The following IQCN variants were observed in gnomAD, a reference collection of about 807,000 sequenced individuals.
The protein encoded by IQCN is IQ domain-containing protein N.
IQCN carries 46 observed loss-of-function variants against 64.4 expected under a neutral mutation model. The ratio of observed to expected loss-of-function variants is 0.71; its 90% CI spans 0.56 to 0.91. The LOEUF (loss-of-function observed/expected upper bound fraction) is 0.91. IQCN is among the 40% of genes least tolerant of loss of function. The probability of loss-of-function intolerance (pLI) is 0.00; values close to 1 mark genes in which losing one functional copy is unlikely to be tolerated. For missense variants in IQCN, 1,753 were observed against 1,857.4 expected, an observed-to-expected ratio of 0.94 and a Z score of 1.03; for synonymous variants, 733 against 775.6, an observed-to-expected ratio of 0.95 and a Z score of 0.91.
At position 18,265,117 on chromosome 19, in the gene IQCN, G is replaced by T. The variant is rs1969526836; in HGVS notation, c.2423C>A (p.Pro808His). The T allele has an allele frequency of 6.2e-7, 1 of 1,604,688 alleles. No homozygotes were observed. Among genetic ancestry groups the T allele is most frequent in the East Asian group, 2.2e-5 (1 of 44,880 alleles). ...GGTCTTCCCCGGCACGTGTCCGTGG[G>T]GCTGTGGCTGGGTCTGTCTGTCCTC... Reference protein sequence around the residue: ...KPEDRQTQPQPHGHVPGKTTQ... With the variant: ...KPEDRQTQPQHHGHVPGKTTQ... Residue 808 changes from proline (P) to histidine (H), a missense_variant, in exon 3 of 4, where the codon CCC becomes CAC. Transcript: ENST00000392413. This position sits in a 1 kb window ranked among gnomAD's most constrained non-coding sequence, Gnocchi z 4.7.
At chr19:18,260,803 T>TA in intron 3 of IQCN, 1 of 152,698 alleles carries the variant, frequency 6.5e-6, no homozygotes, top group Non-Finnish European at 1.5e-5. Flanking sequence ...GACACACCAA[T>TA]GGCTTGAGAT....
chr19:18,266,638 C>T lies in IQCN; in HGVS notation c.902G>A (p.Arg301Lys). 1 of 1,614,070 alleles carries T rather than the reference C, an allele frequency of 6.2e-7. No individual in the cohort carries two copies. The highest frequency in any genetic ancestry group is 8.5e-7 in the Non-Finnish European group (1 of 1,180,002). Residue 301 changes from arginine (R) to lysine (K), a missense_variant, in exon 3 of 4, where the codon AGG becomes AAG. Transcript: ENST00000392413. This position sits in a 1 kb window ranked among gnomAD's most constrained non-coding sequence, Gnocchi z 4.3. ...ARAPETPLSR[R>K]YDQAVTRPSR... ...TGGTCTCGTAACTGCCTGGTCATAC[C>T]TTCTGGACAATGGTGTCTCCGGAGC...
chr19:18,268,177 T>TGC lies in IQCN; in HGVS notation c.14-652_14-651insGC, dbSNP rs1196321955. ...TTTGGAAATTTCCTGTTTGCCTCTGTGTGTGTGTGTGTGTGTGTGTGTGTG... is the reference window on the plus strand; with the variant it reads ...TTTGGAAATTTCCTGTTTGCCTCTGTGCGTGTGTGTGTGTGTGTGTGTGTGTG... On this transcript the variant is annotated intron_variant, in intron 2 of 3. Transcript: ENST00000392413. 6.8e-3 allele frequency among the ~76,000 whole-genome samples: 453 copies of TGC among 66,630 alleles called. 2 individuals carry two copies. Among genetic ancestry groups the TGC allele is most frequent in the African/African-American group, 0.021 (419 of 19,748 alleles). The allele number at this position is 66,630 out of a possible 152,430, so 43.7% of individuals were successfully genotyped here. A position where few individuals can be genotyped will look rare whatever the true frequency, so the allele number is the denominator to read the frequency against.
At chr19:18,270,051 T>TA (rs60981546) in intron 1 of IQCN, among the ~76,000 whole-genome samples, 4,116 of 75,768 alleles carry the variant, frequency 0.054, 215 homozygotes, top group African/African-American at 0.067. Flanking sequence ...AACTGTCTCT[T>TA]AAAAAAAAAA....
At chr19:18,262,037 G>A (rs917242540) in intron 3 of IQCN, 2 of 153,034 alleles carry the variant, frequency 1.3e-5, no homozygotes, top group African/African-American at 4.8e-5. Flanking sequence ...GGTAGCCTGA[G>A]CTTGGGGATA....
At chr19:18,262,339 G>A (rs904621536) in intron 3 of IQCN, 1 of 153,082 alleles carries the variant, frequency 6.5e-6, no homozygotes, top group Non-Finnish European at 1.5e-5. Context: ...GGCTGAAATG[G>A]CTGAGCCAGC....
chr19:18,269,583 C>T lies in IQCN; in HGVS notation c.-105G>A, dbSNP rs1969690587. On this transcript the variant is annotated 5_prime_UTR_variant, in exon 2 of 4. Coordinates refer to ENST00000392413, the MANE Select transcript of IQCN (RefSeq NM_001145304.2). ...CCATGCAATATGCAGCAACACTGCC[C>T]TGGGCTGGCTCAAGACCAACACAAA... is the stretch of plus-strand genomic sequence containing the variant. 2 of 1,082,856 alleles carry T rather than the reference C, an allele frequency of 1.8e-6. No homozygotes were observed. The highest frequency in any genetic ancestry group is 2.8e-6 in the Non-Finnish European group (2 of 726,330). 67.1% of individuals were successfully genotyped at this position (1,082,856 alleles called of 1,614,324 possible).
Position 18,265,036 on chromosome 19 carries a change from G to A in IQCN, c.2504C>T (p.Pro835Leu), listed in dbSNP as rs2277921. 304,630 of 1,601,428 alleles carry A rather than the reference G, an allele frequency of 0.19. 32,359 individuals carry two copies. Among genetic ancestry groups the A allele is most frequent in the African/African-American group, 0.43 (32,240 of 74,968 alleles). Reference sequence around the variant, plus strand: ...TGTGGAATGGCCGGTGGGTGCCATCGGCGGCACCAGCATACCCTGGACCTC... The same window carrying A: ...TGTGGAATGGCCGGTGGGTGCCATCAGCGGCACCAGCATACCCTGGACCTC... ...ACEVQGMLVP[P>L]MAPTGHSTCN... The change falls in exon 3 of 4, where the codon CCG becomes CTG. Residue 835 changes from proline (P) to leucine (L), a missense_variant. Transcript: ENST00000392413. The surrounding 1 kb of genome is among the most constrained non-coding windows in gnomAD (Gnocchi z 4.7).
Position 18,264,299 on chromosome 19 carries a change from C to T in IQCN, c.3177+64G>A. 1 of 1,373,126 alleles carries T rather than the reference C, an allele frequency of 7.3e-7. No individual in the cohort carries two copies. Among genetic ancestry groups the T allele is most frequent in the South Asian group, 1.5e-5 (1 of 66,194 alleles). The allele number at this position is 1,373,126 out of a possible 1,614,324, so 85.1% of individuals were successfully genotyped here. A position where few individuals can be genotyped will look rare whatever the true frequency, so the allele number is the denominator to read the frequency against. Reference sequence around the variant, plus strand: ...TGGCCCCATCAATCCCCCATCTCCTCCAAGGGCCCGGCAGGTTGGCCCATG... The same window carrying T: ...TGGCCCCATCAATCCCCCATCTCCTTCAAGGGCCCGGCAGGTTGGCCCATG... On this transcript the variant is annotated intron_variant, in intron 3 of 3. Coordinates refer to ENST00000392413, the MANE Select transcript of IQCN (RefSeq NM_001145304.2). The surrounding 1 kb of genome is among the most constrained non-coding windows in gnomAD (Gnocchi z 4.3).
chr19:18,266,045 C>A lies in IQCN; in HGVS notation c.1495G>T (p.Ala499Ser), dbSNP rs1006333289. The A allele has an allele frequency of 1.9e-6, 3 of 1,614,080 alleles. No individual in the cohort carries two copies. Among genetic ancestry groups the A allele is most frequent in the African/African-American group, 2.7e-5 (2 of 75,012 alleles). The change falls in exon 3 of 4, where the codon GCC (alanine) becomes TCC (serine). Residue 499 changes from alanine (A) to serine (S), a missense_variant. By Grantham distance (99) the Ala-to-Ser change is moderately conservative. Transcript: ENST00000392413. This position sits in a 1 kb window ranked among gnomAD's most constrained non-coding sequence, Gnocchi z 4.3. ...TGGGCTGGGGTCTTGGTTATCATGG[C>A]TGGCAGGCGGGTCTGGGGTGAGGGC... is the stretch of plus-strand genomic sequence containing the variant. ...TKPSPQTRLP[A>S]MITKTPAQLR...
chr19:18,271,977 A>G (rs1969742745), intron 1 of IQCN, among the ~76,000 whole-genome samples: 1 of 150,378 alleles, frequency 6.6e-6, no homozygotes. Context: ...ACACCCAGCT[A>G]ATTTTGTTTG....
chr19:18,257,992 G>A lies in IQCN; in HGVS notation c.3292C>T (p.Arg1098Trp), dbSNP rs369547269. The A allele has an allele frequency of 1.2e-5, 19 of 1,612,588 alleles. No homozygotes were observed. Among genetic ancestry groups the A allele is most frequent in the African/African-American group, 9.3e-5 (7 of 75,042 alleles). The change falls in exon 4 of 4, where the codon CGG (arginine) becomes TGG (tryptophan). Residue 1098 changes from arginine (R) to tryptophan (W), a missense_variant. Coordinates refer to ENST00000392413, the MANE Select transcript of IQCN (RefSeq NM_001145304.2). ...WRNKAVVPPR[R>W]SGEPMVSMQA... ...ATGGACACCATTGGCTCCCCGGACC[G>A]CCTGGGAGGCACCACCGCCTTGTTG...
In IQCN at chr19:18,269,795, AAT is replaced by A. The variant is rs1311494905; in HGVS notation, c.-109-210_-109-209del. Among the ~76,000 whole-genome samples the A allele has an allele frequency of 4.1e-3, 625 of 152,308 alleles. 4 individuals carry two copies. The highest frequency in any genetic ancestry group is 0.014 in the African/African-American group (592 of 41,578). ...ATTGGTAGAGGTTCTGCTACAAATGAATACAGAAGTATGTTCAAGGATGTTTA... is the reference window on the plus strand; with the variant it reads ...ATTGGTAGAGGTTCTGCTACAAATGAACAGAAGTATGTTCAAGGATGTTTA... On this transcript the variant is annotated intron_variant, in intron 1 of 3. Coordinates refer to ENST00000392413, the MANE Select transcript of IQCN (RefSeq NM_001145304.2).
chr19:18,259,571 T>A (rs1459112506), intron 3 of IQCN: 1 of 152,276 alleles, frequency 6.6e-6, no homozygotes, highest in Non-Finnish European at 1.5e-5. Flanking sequence ...GCAGAGTGCC[T>A]GGGACTGCGC....
intron 3 of IQCN, chr19:18,258,529 T>C (rs1057424983): frequency 2.1e-5 from 9 of 425,234 alleles, no homozygotes; most frequent in South Asian, 1.5e-4. Context: ...CCAGACACTG[T>C]TTTCTGGAGT....
rs1464141011 is a variant in IQCN, at chr19:18,265,276, C to T, written c.2264G>A (p.Cys755Tyr). 6.2e-7 allele frequency: 1 copy of T among 1,613,890 alleles called. No homozygotes were observed. Among genetic ancestry groups the T allele is most frequent in the Non-Finnish European group, 8.5e-7 (1 of 1,179,988 alleles). The change falls in exon 3 of 4, where the codon TGC becomes TAC. Residue 755 changes from cysteine (C) to tyrosine (Y), a missense_variant. Cys to Tyr is a radical substitution (Grantham distance 194, BLOSUM62 -2). Transcript: ENST00000392413. The surrounding 1 kb of genome is among the most constrained non-coding windows in gnomAD (Gnocchi z 4.7). ...AGCAGCCTGGTGCGCTGGGATGAGG[C>T]ACGTGGTTATGTCTGTGATCGGCTG... ...RGQPITDITT[C>Y]LIPAHQAADL...
chr19:18,273,010 A>AT (rs563421110), intron 1 of IQCN, among the ~76,000 whole-genome samples: 1 of 152,156 alleles, frequency 6.6e-6, no homozygotes, highest in Non-Finnish European at 1.5e-5. Flanking sequence ...TGCATGGATA[A>AT]TTGACACACA....
chr19:18,258,964 C>A (rs1368816044), intron 3 of IQCN: 1 of 161,902 alleles, frequency 6.2e-6, no homozygotes, highest in African/African-American at 2.4e-5. Context: ...TGGAGTACAT[C>A]CACTGGGTTG....
chr19:18,272,544 G>T (rs1039759328), intron 1 of IQCN, among the ~76,000 whole-genome samples: 2 of 152,162 alleles, frequency 1.3e-5, no homozygotes, highest in African/African-American at 4.8e-5. Flanking sequence ...GCTTCACCTG[G>T]TGTCTTCACA....
Sources: allele counts gnomAD v4.1 joint callset (sites outside exome capture counted in the v4.1 genomes callset), GRCh38; gene constraint gnomAD v4.1.1; non-coding constraint Gnocchi (gnomAD v3.1); transcripts MANE v1.5; gene names NCBI Gene and HGNC (gene_info 2026-07-23, HGNC 2026-07-21).